The following UGT1A8 variants were observed in gnomAD, a reference collection of about 807,000 sequenced individuals.
The protein encoded by UGT1A8 is UDP glucuronosyltransferase family 1 member A8.
Under a neutral mutation model 45.3 loss-of-function variants are expected in UGT1A8, and 39 were observed. The observed-to-expected ratio is 0.86, with a 90% CI of 0.67 to 1.12. The LOEUF is 1.12. UGT1A8 is among the 50% of genes most tolerant of loss of function. The probability of loss-of-function intolerance (pLI) is 0.00; values close to 1 mark genes in which losing one functional copy is unlikely to be tolerated. For synonymous variants in UGT1A8, 275 were observed against 249.2 expected (o/e 1.10, Z -0.97); for missense variants, 719 against 664.9 (o/e 1.08, Z -0.90).
intron 1 of UGT1A8, among the ~76,000 whole-genome samples, chr2:233,652,884 T>A (rs1255860202): frequency 6.6e-6 from 1 of 152,264 alleles, no homozygotes; most frequent in African/African-American, 2.4e-5. Flanking sequence ...GGGAAGTATT[T>A]ATGACCCAGA....
At chr2:233,666,504 C>T (rs1374593909) in intron 1 of UGT1A8, among the ~76,000 whole-genome samples, 1 of 152,088 alleles carries the variant, frequency 6.6e-6, no homozygotes, top group Non-Finnish European at 1.5e-5. Flanking sequence ...GGGTTATTCT[C>T]TGTTCAAATC....
At chr2:233,676,740 G>A (rs1315803539) in intron 1 of UGT1A8, among the ~76,000 whole-genome samples, 5 of 152,122 alleles carry the variant, frequency 3.3e-5, no homozygotes, top group African/African-American at 4.8e-5. Flanking sequence ...TGTTTTCATC[G>A]TGGTAAAACT....
chr2:233,728,193 T>C (rs906466862), intron 1 of UGT1A8, among the ~76,000 whole-genome samples: 7 of 152,224 alleles, frequency 4.6e-5, no homozygotes, highest in African/African-American at 1.7e-4. Context: ...AACTTGGTGC[T>C]GGATTGACTT....
chr2:233,639,691 T>A (rs188975192), intron 1 of UGT1A8, among the ~76,000 whole-genome samples: 1 of 152,298 alleles, frequency 6.6e-6, no homozygotes, highest in Admixed American at 6.5e-5. Context: ...AAAATCTCCT[T>A]GAGTCTATCC....
chr2:233,667,098 T>C (rs1258593416), intron 1 of UGT1A8, among the ~76,000 whole-genome samples: 7 of 152,182 alleles, frequency 4.6e-5, no homozygotes, highest in African/African-American at 1.7e-4. Flanking sequence ...TGAATAGTGC[T>C]GCAATAAACA....
chr2:233,697,515 T>A (rs11894379), intron 1 of UGT1A8, among the ~76,000 whole-genome samples: 4,554 of 150,122 alleles, frequency 0.03, 92 homozygotes, highest in Middle Eastern at 0.054. Context: ...TTTTTTTTTT[T>A]AAAAAACTTT....
chr2:233,708,093 A>G (rs1032975136), intron 1 of UGT1A8, among the ~76,000 whole-genome samples: 2 of 152,222 alleles, frequency 1.3e-5, no homozygotes, highest in African/African-American at 4.8e-5. Context: ...ATTCAAACGA[A>G]TTAGAATAAA....
rs763548038 is a variant in UGT1A8 at position 233,772,319 on chromosome 2, G to A, written c.1353G>A (p.Pro451=). The A allele has an allele frequency of 6.2e-6, 10 of 1,614,046 alleles. No homozygotes were observed. The highest frequency in any genetic ancestry group is 7.6e-6 in the Non-Finnish European group (9 of 1,180,038). The change falls in exon 5 of 5, where the codon CCG becomes CCA. Residue 451 remains proline (P), a synonymous_variant. Coordinates refer to ENST00000373450, the MANE Select transcript of UGT1A8 (RefSeq NM_019076.5). ...TTCACAAGGACCGCCCGGTGGAGCC[G>A]CTGGACCTGGCCGTGTTCTGGGTGG... ...SSLHKDRPVE[P]LDLAVFWVEF...
intron 1 of UGT1A8, among the ~76,000 whole-genome samples, chr2:233,635,002 G>A (rs2073254235): frequency 6.6e-6 from 1 of 150,752 alleles, no homozygotes; most frequent in South Asian, 2.1e-4. Flanking sequence ...GCCTGGTGGT[G>A]ACAAAATCTC....
chr2:233,742,329 G>T (rs1030248524), intron 1 of UGT1A8, among the ~76,000 whole-genome samples: 2 of 151,942 alleles, frequency 1.3e-5, no homozygotes, highest in Non-Finnish European at 2.9e-5. Context: ...GGGAAACAAA[G>T]GGATGGGCTC....
chr2:233,670,800 C>T (rs28970009), intron 1 of UGT1A8, among the ~76,000 whole-genome samples: 1,964 of 152,140 alleles, frequency 0.013, 45 homozygotes, highest in African/African-American at 0.044. Context: ...GGGGCATTGT[C>T]CAAAAATCAA....
intron 1 of UGT1A8, among the ~76,000 whole-genome samples, chr2:233,633,578 A>G (rs925710910): frequency 2.0e-5 from 3 of 152,026 alleles, no homozygotes; most frequent in Non-Finnish European, 4.4e-5. Context: ...TTCTCCTAGA[A>G]TGTCTAGTTT....
intron 1 of UGT1A8, among the ~76,000 whole-genome samples, chr2:233,722,696 T>G (rs1380432691): frequency 6.6e-6 from 1 of 152,188 alleles, no homozygotes; most frequent in African/African-American, 2.4e-5. Context: ...TTTCATTGCT[T>G]TTAGATAATT....
chr2:233,718,671 G>A (rs2125661648), intron 1 of UGT1A8: 2 of 1,551,780 alleles, frequency 1.3e-6, no homozygotes, highest in Non-Finnish European at 1.7e-6. Flanking sequence ...ATAGATTAAT[G>A]GGTAATAAGT....
At chr2:233,680,354 A>G (rs966045404) in intron 1 of UGT1A8, among the ~76,000 whole-genome samples, 1 of 152,212 alleles carries the variant, frequency 6.6e-6, no homozygotes, top group African/African-American at 2.4e-5. Context: ...GTCATATCAC[A>G]TGCATTTAGG....
intron 1 of UGT1A8, among the ~76,000 whole-genome samples, chr2:233,762,901 A>G (rs545178357): frequency 1.3e-5 from 2 of 152,194 alleles, no homozygotes; most frequent in Admixed American, 6.5e-5. Flanking sequence ...GCCAAATATC[A>G]GGGCTATTGA....
chr2:233,674,141 G>A (rs28969703), intron 1 of UGT1A8, among the ~76,000 whole-genome samples: 4,071 of 152,238 alleles, frequency 0.027, 169 homozygotes, highest in African/African-American at 0.093. Flanking sequence ...TCCTTACAAG[G>A]TTCAGTAGAC....
In UGT1A8 at chr2:233,724,166, C is replaced by A. The variant is rs1252861815; in HGVS notation, c.856-42868C>A. 7.0e-5 allele frequency among the ~76,000 whole-genome samples: 8 copies of A among 114,362 alleles called. No individual in the cohort carries two copies. In the East Asian group the frequency reaches 1.8e-3, roughly 26 times the overall value. The allele number at this position is 114,362 out of a possible 152,430, so 75.0% of individuals were successfully genotyped here. On this transcript the variant is annotated intron_variant, in intron 1 of 4. Transcript: ENST00000373450. Reference sequence around the variant, plus strand: ...CGGCTGGCCGGGTGGGGGGGCTGACCCCCCCATCTCCCTCCCGGACGGGGT... The same window carrying A: ...CGGCTGGCCGGGTGGGGGGGCTGACACCCCCATCTCCCTCCCGGACGGGGT...
chr2:233,772,145 G>A, intron 4 of UGT1A8, 117 bp from the exon 5 acceptor site: 1 of 1,552,040 alleles, frequency 6.4e-7, no homozygotes, highest in Non-Finnish European at 8.7e-7. Flanking sequence ...AATAGAAACA[G>A]GTTTCCTTTC....
Sources: gnomAD v4.1 joint callset for allele counts (sites outside exome capture counted in the v4.1 genomes callset) on GRCh38, gnomAD v4.1.1 for gene constraint, MANE v1.5 for transcripts, NCBI Gene and HGNC (gene_info 2026-07-23, HGNC 2026-07-21) for gene names.